Variants in RTL4 observed in about 807,000 individuals in gnomAD.
RTL4 encodes retrotransposon Gag like 4.
A neutral mutation model predicts 5.3 loss-of-function variants in RTL4; 4 were observed. That is an observed-to-expected ratio of 0.75 (90% CI 0.37 to 1.72). The LOEUF (loss-of-function observed/expected upper bound fraction) is 1.72. RTL4 is among the 40% of genes most tolerant of loss of function. The probability of loss-of-function intolerance (pLI) is 0.04; values close to 1 mark genes in which losing one functional copy is unlikely to be tolerated. For missense variants in RTL4, 260 were observed against 227.1 expected (o/e 1.14, Z -0.93); for synonymous variants, 98 against 87.3 (o/e 1.12, Z -0.68).
the RTL4 span, among the ~76,000 whole-genome samples, chrX:112,093,932 CAG>C: frequency 9.0e-6 from 1 of 111,468 alleles, no homozygotes; most frequent in Non-Finnish European, 1.9e-5. Context: ...CAATAATAGT[CAG>C]GGGCTGTTAT....
the RTL4 span, among the ~76,000 whole-genome samples, chrX:112,412,353 A>T: frequency 5.0e-4 from 56 of 111,881 alleles, no homozygotes; most frequent in African/African-American, 1.7e-3. Flanking sequence ...GGAAATAACA[A>T]TTGTCAAATT....
chrX:112,163,181 C>T, the RTL4 span, among the ~76,000 whole-genome samples: 1 of 111,697 alleles, frequency 9.0e-6, no homozygotes, highest in Non-Finnish European at 1.9e-5. Context: ...GTAGAAAGAG[C>T]CCAAGTGTGT....
chrX:112,182,362 G>A, the RTL4 span, among the ~76,000 whole-genome samples: 1 of 112,081 alleles, frequency 8.9e-6, no homozygotes, highest in Non-Finnish European at 1.9e-5. Flanking sequence ...GTAGGCTTCA[G>A]AAGGTGTGTA....
At chrX:112,308,804 T>G in the RTL4 span, among the ~76,000 whole-genome samples, 1 of 111,233 alleles carries the variant, frequency 9.0e-6, no homozygotes, top group Non-Finnish European at 1.9e-5. Context: ...AGAGCCAGTA[T>G]GGTTGAAACC....
chrX:112,160,776 A>T, the RTL4 span, among the ~76,000 whole-genome samples: 1 of 110,890 alleles, frequency 9.0e-6, no homozygotes, highest in Non-Finnish European at 1.9e-5. Flanking sequence ...GAACTGAGGG[A>T]GTGTGTATCT....
the RTL4 span, among the ~76,000 whole-genome samples, chrX:112,331,664 A>G: frequency 9.3e-6 from 1 of 106,966 alleles, no homozygotes; most frequent in Non-Finnish European, 1.9e-5. Context: ...CTGGGTATAT[A>G]CCCAAAGGAC....
At chrX:112,255,951 T>A in the RTL4 span, among the ~76,000 whole-genome samples, 2 of 111,771 alleles carry the variant, frequency 1.8e-5, no homozygotes, top group African/African-American at 6.5e-5. Flanking sequence ...TTGATCTGGA[T>A]AAGATTCTAT....
At chrX:112,150,416 C>T in the RTL4 span, among the ~76,000 whole-genome samples, 2 of 111,358 alleles carry the variant, frequency 1.8e-5, no homozygotes, top group Admixed American at 9.6e-5. Context: ...GATGAATTGC[C>T]GTCTCACCTG....
the RTL4 span, among the ~76,000 whole-genome samples, chrX:112,282,728 A>G: frequency 9.0e-6 from 1 of 111,554 alleles, no homozygotes; most frequent in Non-Finnish European, 1.9e-5. Flanking sequence ...ACATTTATTC[A>G]TAAGTTTTTT....
the RTL4 span, among the ~76,000 whole-genome samples, chrX:112,393,147 C>CTTTTTTTTTTTTTTTTTTTTTT: frequency 6.1e-5 from 5 of 81,467 alleles, no homozygotes; most frequent in African/African-American, 2.0e-4. Context: ...TTCTTTCTTT[C>CTTTTTTTTTTTTTTTTTTTTTT]TTTTTTTTTT....
chrX:112,355,865 G>C, the RTL4 span, among the ~76,000 whole-genome samples: 1 of 111,516 alleles, frequency 9.0e-6, no homozygotes, highest in Non-Finnish European at 1.9e-5. Context: ...TGCTTATTCT[G>C]TACAGCTGGA....
At chrX:112,304,953 T>G in the RTL4 span, among the ~76,000 whole-genome samples, 1 of 110,042 alleles carries the variant, frequency 9.1e-6, no homozygotes, top group East Asian at 2.9e-4. Context: ...AATAACTTTT[T>G]TAGCATTGAG....
chrX:112,170,699 C>T, the RTL4 span, among the ~76,000 whole-genome samples: 1 of 111,612 alleles, frequency 9.0e-6, no homozygotes, highest in Non-Finnish European at 1.9e-5. Context: ...CAAACAGAGA[C>T]AGCTTGACCT....
At chrX:112,199,031 G>A in the RTL4 span, among the ~76,000 whole-genome samples, 2 of 111,131 alleles carry the variant, frequency 1.8e-5, no homozygotes, top group African/African-American at 6.5e-5. Context: ...GCTCACGCCT[G>A]TAATCCCAGC....
the RTL4 span, among the ~76,000 whole-genome samples, chrX:112,371,387 T>G: frequency 9.0e-6 from 1 of 111,267 alleles, no homozygotes; most frequent in Non-Finnish European, 1.9e-5. Flanking sequence ...TGTTACAGAA[T>G]GCAGTATTCT....
At chrX:112,365,699 C>T in the RTL4 span, among the ~76,000 whole-genome samples, 1 of 111,570 alleles carries the variant, frequency 9.0e-6, no homozygotes, top group Admixed American at 9.5e-5. Context: ...TGATTCTTGA[C>T]CTAGATCTTC....
At chrX:112,386,389 A>G in the RTL4 span, among the ~76,000 whole-genome samples, 7 of 111,211 alleles carry the variant, frequency 6.3e-5, no homozygotes, top group Non-Finnish European at 1.3e-4. Context: ...TTTCGGGAAC[A>G]GGTAGTATTT....
At chrX:112,190,140 C>CTT in the RTL4 span, among the ~76,000 whole-genome samples, 10 of 18,174 alleles carry the variant, frequency 5.5e-4, no homozygotes, top group Admixed American at 3.7e-3. Context: ...TAGCCTGTCC[C>CTT]TTTCTTTCTT....
the RTL4 span, among the ~76,000 whole-genome samples, chrX:112,395,884 T>G: frequency 9.0e-6 from 1 of 111,506 alleles, no homozygotes; most frequent in Non-Finnish European, 1.9e-5. Context: ...TATTGTGTCA[T>G]GTACCCATTG....
Sources: allele counts gnomAD v4.1 joint callset (sites outside exome capture counted in the v4.1 genomes callset), GRCh38; gene constraint gnomAD v4.1.1; transcripts MANE v1.5; gene names NCBI Gene and HGNC (gene_info 2026-07-23, HGNC 2026-07-21).